Variants in CREB5 observed in about 807,000 individuals in gnomAD.
CREB5 encodes cyclic AMP-responsive element-binding protein 5.
In CREB5, 19 loss-of-function variants were observed where a neutral mutation model predicts 57.1. That is an observed-to-expected ratio of 0.33 (90% CI 0.23 to 0.49). The LOEUF (loss-of-function observed/expected upper bound fraction) is 0.49, where lower values mean the gene tolerates loss of function less well. CREB5 is among the 20% of genes least tolerant of loss of function. The pLI is 0.99. For synonymous variants in CREB5, 238 were observed against 238.3 expected, an observed-to-expected ratio of 1.00 and a Z score of 0.01; for missense variants, 579 against 671.6, an observed-to-expected ratio of 0.86 and a Z score of 1.52.
chr7:28,574,213 G>C (rs1054087019), intron 5 of CREB5, among the ~76,000 whole-genome samples: 5 of 152,210 alleles, frequency 3.3e-5, no homozygotes, highest in Non-Finnish European at 5.9e-5. Context: ...AAGTGAGACA[G>C]AAAACAAGCA....
intron 1 of CREB5, among the ~76,000 whole-genome samples, chr7:28,359,435 T>G (rs536039681): frequency 6.6e-6 from 1 of 152,202 alleles, no homozygotes; most frequent in African/African-American, 2.4e-5. Context: ...GGCCAATTGA[T>G]TTTTGACAAA....
chr7:28,607,071 T>C (rs1289850752), intron 5 of CREB5, among the ~76,000 whole-genome samples: 1 of 152,164 alleles, frequency 6.6e-6, no homozygotes, highest in East Asian at 1.9e-4. Flanking sequence ...GGCTGTAAAT[T>C]TGTATCCTTC....
chr7:28,466,024 A>G (rs1364489572), intron 1 of CREB5, among the ~76,000 whole-genome samples: 1 of 152,206 alleles, frequency 6.6e-6, no homozygotes, highest in Non-Finnish European at 1.5e-5. Context: ...AATAAGGACA[A>G]CTGAGAAGCC....
chr7:28,654,364 T>A (rs1360374599), intron 5 of CREB5, among the ~76,000 whole-genome samples: 1 of 152,242 alleles, frequency 6.6e-6, no homozygotes, highest in Non-Finnish European at 1.5e-5. Context: ...ATTTGATTCC[T>A]TTATGTGCGT....
At chr7:28,517,144 C>G (rs988201455) in intron 4 of CREB5, among the ~76,000 whole-genome samples, 2 of 152,150 alleles carry the variant, frequency 1.3e-5, no homozygotes, top group African/African-American at 2.4e-5. Context: ...ATAGACTCAG[C>G]ATCTGTAGCT....
chr7:28,600,504 GT>G (rs1388401372), intron 5 of CREB5, among the ~76,000 whole-genome samples: 1 of 152,124 alleles, frequency 6.6e-6, no homozygotes, highest in Non-Finnish European at 1.5e-5. Flanking sequence ...ATTTAATTAT[GT>G]GAAAACTGAG....
chr7:28,748,578 G>C (rs1405257597), intron 7 of CREB5, among the ~76,000 whole-genome samples: 4 of 152,156 alleles, frequency 2.6e-5, no homozygotes, highest in African/African-American at 9.7e-5. Flanking sequence ...AAATACCCAG[G>C]GCAGGCTTTG....
At chr7:28,622,830 G>C (rs900121486) in intron 5 of CREB5, among the ~76,000 whole-genome samples, 1 of 151,982 alleles carries the variant, frequency 6.6e-6, no homozygotes, top group Non-Finnish European at 1.5e-5. Flanking sequence ...AGACCAGCCT[G>C]GGTAACATAG....
At chr7:28,557,401 A>G (rs1421203660) in intron 4 of CREB5, among the ~76,000 whole-genome samples, 2 of 152,238 alleles carry the variant, frequency 1.3e-5, no homozygotes, top group African/African-American at 4.8e-5. Flanking sequence ...TTTTAAAGAC[A>G]TGAGATCCCA....
At chr7:28,570,597 C>A in intron 5 of CREB5, 60 bp downstream of exon 5, 2 of 1,561,982 alleles carry the variant, frequency 1.3e-6, no homozygotes, top group Non-Finnish European at 1.7e-6. Flanking sequence ...ATGTCCTGGA[C>A]TTCCTCCTGG....
intron 1 of CREB5, among the ~76,000 whole-genome samples, chr7:28,357,129 C>T (rs2127991506): frequency 6.6e-6 from 1 of 152,288 alleles, no homozygotes; most frequent in African/African-American, 2.4e-5. Flanking sequence ...GAAACAAATG[C>T]TAAATTGAAG....
intron 5 of CREB5, among the ~76,000 whole-genome samples, chr7:28,634,044 C>T (rs116809524): frequency 0.029 from 4,414 of 152,226 alleles, 221 homozygotes; most frequent in African/African-American, 0.1. Flanking sequence ...AAAAGTAAAA[C>T]GGAGATAATT....
intron 1 of CREB5, among the ~76,000 whole-genome samples, chr7:28,383,332 A>T (rs1475822522): frequency 6.6e-6 from 1 of 152,194 alleles, no homozygotes; most frequent in Non-Finnish European, 1.5e-5. Context: ...AGGATGGAAA[A>T]CTTAGTTGGA....
intron 1 of CREB5, among the ~76,000 whole-genome samples, chr7:28,470,681 T>C (rs1477862777): frequency 6.6e-6 from 1 of 152,234 alleles, no homozygotes; most frequent in Non-Finnish European, 1.5e-5. Context: ...TGTACTAATT[T>C]ACATTCCCAC....
At chr7:28,693,108 T>C (rs1162626639) in intron 5 of CREB5, among the ~76,000 whole-genome samples, 2 of 152,214 alleles carry the variant, frequency 1.3e-5, no homozygotes, top group African/African-American at 2.4e-5. Flanking sequence ...TTCTCTCTCT[T>C]CACATGGTAC....
At chr7:28,819,078 T>G in intron 10 of CREB5, 38 bp from the exon 11 acceptor site, 1 of 1,595,366 alleles carries the variant, frequency 6.3e-7, no homozygotes, top group Non-Finnish European at 8.5e-7. Context: ...TATTGGTGTG[T>G]GTGTATGTGT....
chr7:28,688,108 G>A (rs557529607), intron 5 of CREB5, among the ~76,000 whole-genome samples: 1 of 152,310 alleles, frequency 6.6e-6, no homozygotes, highest in South Asian at 2.1e-4. Flanking sequence ...ATGAATGGGG[G>A]AGGATGGACA....
chr7:28,588,805 C>T (rs1207123101), intron 5 of CREB5, among the ~76,000 whole-genome samples: 1 of 152,122 alleles, frequency 6.6e-6, no homozygotes, highest in Non-Finnish European at 1.5e-5. Flanking sequence ...CTATTTTTGG[C>T]TTCTGTTTTC....
chr7:28,344,457 G>A (rs187945610), intron 1 of CREB5, among the ~76,000 whole-genome samples: 105 of 152,300 alleles, frequency 6.9e-4, no homozygotes, highest in Non-Finnish European at 8.2e-4. Flanking sequence ...TCAGTTGGCT[G>A]TAAATGTATG....
Sources: gnomAD v4.1 joint callset for allele counts (sites outside exome capture counted in the v4.1 genomes callset) on GRCh38, gnomAD v4.1.1 for gene constraint, MANE v1.5 for transcripts, NCBI Gene and HGNC (gene_info 2026-07-23, HGNC 2026-07-21) for gene names.